The following TASOR2 variants were observed in gnomAD, a reference collection of about 807,000 sequenced individuals.
TASOR2 encodes the protein protein TASOR 2.
A neutral mutation model predicts 199.5 loss-of-function variants in TASOR2; 84 were observed. That is an observed-to-expected ratio of 0.42 (90% confidence interval 0.35 to 0.50). The LOEUF is 0.50. Among genes scored for constraint, TASOR2 ranks in the 20% least tolerant of loss-of-function variants. TASOR2 has a pLI of 0.02. For missense variants in TASOR2, 2,796 were observed against 2,835.9 expected (o/e 0.99, Z 0.32); for synonymous variants, 1,103 against 1,046.6 (o/e 1.05, Z -1.04).
In TASOR2 at chr10:5,750,900, T is replaced by C. The variant is rs928144193; in HGVS notation, c.6606+873T>C. 4.6e-5 allele frequency among the ~76,000 whole-genome samples: 7 copies of C among 152,200 alleles called. No homozygotes were observed. The highest frequency in any genetic ancestry group is 1.3e-4 in the Admixed American group (2 of 15,282). ...CTAGGATCATAGGTGTCTAGAATTG[T>C]CATGTCTTCAGTCTGCAATAGTTCC... On this transcript the variant is annotated intron_variant, in intron 15 of 20. Transcript: ENST00000328090. This position sits in a 1 kb window ranked among gnomAD's most constrained non-coding sequence, Gnocchi z 5.4.
chr10:5,749,666 C>A lies in TASOR2; in HGVS notation c.6245C>A (p.Ser2082Tyr), dbSNP rs377606948. ...AGTCATAATAGAGATCTTAGAAATT[C>A]TCAAAGAAATCACACTGTTTCATTC... The change falls in exon 15 of 21, where the codon TCT becomes TAT. Residue 2082 changes from serine (S) to tyrosine (Y), a missense_variant. Ser to Tyr is a moderately radical substitution (Grantham distance 144). Around this residue, in one of 3 missense-constraint regions of TASOR2, gnomAD observed 1,941 missense variants for 1,924.9 expected, o/e 1.01. Coordinates refer to ENST00000328090, the Ensembl canonical transcript of TASOR2. 2.5e-4 allele frequency: 398 copies of A among 1,614,036 alleles called. No homozygotes were observed. The highest frequency in any genetic ancestry group is 3.2e-4 in the Non-Finnish European group (374 of 1,180,004).
rs1428454929 is a variant in TASOR2 at position 5,701,863 on chromosome 10, G to A, written c.-287-10960G>A. On this transcript the variant is annotated intron_variant, in intron 1 of 20. Coordinates refer to ENST00000328090, the Ensembl canonical transcript of TASOR2. The surrounding 1 kb of genome is among the most constrained non-coding windows in gnomAD (Gnocchi z 4.9). ...ATCAGTTCTAACAATTTTTTTGGTG[G>A]AGTCCAGGTTTTTCTAAGTATAAGA... 6.6e-6 allele frequency among the ~76,000 whole-genome samples: 1 copy of A among 152,084 alleles called. No individual in the cohort carries two copies. Among genetic ancestry groups the A allele is most frequent in the Non-Finnish European group, 1.5e-5 (1 of 67,998 alleles).
chr10:5,714,467 T>C (rs1425562764), intron 2 of TASOR2: 1 of 291,598 alleles, frequency 3.4e-6, no homozygotes, highest in Non-Finnish European at 6.2e-6. Flanking sequence ...GAATAGAAAA[T>C]AGAGCTGACC....
In TASOR2 at chr10:5,748,595, G is replaced by T. The variant is rs1351587331; in HGVS notation, c.5174G>T (p.Gly1725Val). ...TCCAACACCACATCTTCTCTAAAAG[G>T]TGAACGCAAAGCCATCCACACGCTG... is the stretch of plus-strand genomic sequence containing the variant. Residue 1725 changes from glycine to valine, a missense_variant, in exon 15 of 21, where the codon GGT (glycine) becomes GTT (valine). Gly to Val is a moderately radical substitution (Grantham distance 109). Coordinates refer to ENST00000328090, the Ensembl canonical transcript of TASOR2. The surrounding 1 kb of genome is among the most constrained non-coding windows in gnomAD (Gnocchi z 5.1). 6.2e-7 allele frequency: 1 copy of T among 1,613,696 alleles called. No individual in the cohort carries two copies. Among genetic ancestry groups the T allele is most frequent in the African/African-American group, 1.3e-5 (1 of 74,920 alleles).
At chr10:5,724,606 G>A in intron 8 of TASOR2, 73 bp downstream of exon 9, 2 of 180,162 alleles carry the variant, frequency 1.1e-5, no homozygotes, top group South Asian at 1.9e-4. Context: ...TGCCTAGATG[G>A]CACATATATA....
chr10:5,689,578 C>T lies in TASOR2; in HGVS notation c.-288+4403C>T, dbSNP rs74386772. On this transcript the variant is annotated intron_variant, in intron 1 of 20. Transcript: ENST00000328090. This position sits in a 1 kb window ranked among gnomAD's most constrained non-coding sequence, Gnocchi z 4.1. Reference sequence around the variant, plus strand: ...TCACGCCACTGCACTCCAGCCTGGGCGACAGAGCAAGACTCCATCTCAAAA... The same window carrying T: ...TCACGCCACTGCACTCCAGCCTGGGTGACAGAGCAAGACTCCATCTCAAAA... Among the ~76,000 whole-genome samples the T allele has an allele frequency of 0.093, 14,054 of 151,894 alleles. 767 individuals carry two copies. Among genetic ancestry groups the T allele is most frequent in the South Asian group, 0.13 (614 of 4,808 alleles).
intron 1 of TASOR2, among the ~76,000 whole-genome samples, chr10:5,697,229 G>T (rs1837270992): frequency 2.6e-5 from 4 of 152,216 alleles, no homozygotes; most frequent in Admixed American, 2.6e-4. Context: ...AAAGAAGAAT[G>T]GGGGCAGAGA....
chr10:5,699,685 A>G lies in TASOR2; in HGVS notation c.-287-13138A>G, dbSNP rs1837566219. On this transcript the variant is annotated intron_variant, in intron 1 of 20. Transcript: ENST00000328090. The surrounding 1 kb of genome is among the most constrained non-coding windows in gnomAD (Gnocchi z 4.1). ...GATCAAGCCATTTCAGAAGTACACA[A>G]GGGAGACTAGACACCATGGCAAAGA... is the stretch of plus-strand genomic sequence containing the variant. 2 of 401,976 alleles carry G rather than the reference A, an allele frequency of 5.0e-6. No homozygotes were observed. 24.9% of individuals were successfully genotyped at this position (401,976 alleles called of 1,614,324 possible). A position where few individuals can be genotyped will look rare whatever the true frequency, so the allele number is the denominator to read the frequency against.
At chr10:5,735,032 A>G (rs1370608823) in intron 11 of TASOR2, among the ~76,000 whole-genome samples, 1 of 151,120 alleles carries the variant, frequency 6.6e-6, no homozygotes, top group African/African-American at 2.4e-5. Flanking sequence ...TTTTTTTTTC[A>G]GTTGTTACAA....
chr10:5,718,949 G>A (rs1048509019), intron 3 of TASOR2, among the ~76,000 whole-genome samples: 12 of 152,132 alleles, frequency 7.9e-5, no homozygotes, highest in Non-Finnish European at 1.5e-4. Context: ...GCCACTAGCT[G>A]GAGATTGCTG....
chr10:5,729,351 A>G (rs954055204), intron 10 of TASOR2, among the ~76,000 whole-genome samples: 2 of 152,048 alleles, frequency 1.3e-5, no homozygotes, highest in African/African-American at 4.8e-5. Context: ...GAGTTAAAAC[A>G]AAACAAAACA....
In TASOR2 at chr10:5,751,088, A is replaced by G. The variant is rs1324179442; in HGVS notation, c.6606+1061A>G. Among the ~76,000 whole-genome samples the G allele has an allele frequency of 1.3e-5, 2 of 152,338 alleles. No homozygotes were observed. Among genetic ancestry groups the G allele is most frequent in the African/African-American group, 2.4e-5 (1 of 41,574 alleles). ...ATGTAGTGCTCTTGTCAGTGCATTC[A>G]TTGTATCAGGAGGCACCCGATGTTG... On this transcript the variant is annotated intron_variant, in intron 15 of 20. Coordinates refer to ENST00000328090, the Ensembl canonical transcript of TASOR2. The surrounding 1 kb of genome is among the most constrained non-coding windows in gnomAD (Gnocchi z 5.3).
intron 1 of TASOR2, among the ~76,000 whole-genome samples, chr10:5,704,630 C>A (rs1386110792): frequency 6.6e-6 from 1 of 151,774 alleles, no homozygotes; most frequent in Non-Finnish European, 1.5e-5. Flanking sequence ...TTATTTCCTC[C>A]TCTTATTTGC....
At chr10:5,725,390 CAAAAAAAAAAAAAAAAA>C (rs59186946) in intron 8 of TASOR2, among the ~76,000 whole-genome samples, 49 of 78,948 alleles carry the variant, frequency 6.2e-4, no homozygotes, top group Admixed American at 8.4e-4. Flanking sequence ...GACTCCATCT[CAAAAAAAAAAAAAAAAA>C]AAAAAAAAAA....
At chr10:5,763,129 T>A in exon 21 of TASOR2, 3 of 1,158,520 alleles carry the variant, frequency 2.6e-6, no homozygotes, top group Non-Finnish European at 3.7e-6. Flanking sequence ...ATGTGAACAG[T>A]CTTACATTTG....
chr10:5,732,648 C>T (rs1450674868), intron 11 of TASOR2, among the ~76,000 whole-genome samples: 1 of 152,154 alleles, frequency 6.6e-6, no homozygotes, highest in African/African-American at 2.4e-5. Context: ...GTCTCAAACT[C>T]CTGGGCTCAA....
chr10:5,708,225 A>T (rs1035463346), intron 1 of TASOR2, among the ~76,000 whole-genome samples: 2 of 151,772 alleles, frequency 1.3e-5, no homozygotes, highest in African/African-American at 4.9e-5. Flanking sequence ...CAGTCATATT[A>T]AACTATTTGC....
chr10:5,725,655 C>T lies in TASOR2; in HGVS notation c.351+1122C>T, dbSNP rs78362158. Among the ~76,000 whole-genome samples, 37 of 152,094 alleles carry T rather than the reference C, an allele frequency of 2.4e-4. 1 individual carries two copies. The East Asian group carries it at 7.1e-3, about 29-fold the overall frequency. On this transcript the variant is annotated intron_variant, in intron 8 of 20. Coordinates refer to ENST00000328090, the Ensembl canonical transcript of TASOR2. The stretch of plus-strand genomic sequence containing the variant: ...AACTAGCCAGGCATAATGGCCTGCA[C>T]CTGTAGTCCTGGCTACTCCGAAGGC...
chr10:5,727,920 CAAAT>C (rs1490172643), intron 10 of TASOR2, among the ~76,000 whole-genome samples: 2 of 152,100 alleles, frequency 1.3e-5, no homozygotes, highest in Admixed American at 6.6e-5. Flanking sequence ...ATTTGCTAAA[CAAAT>C]AAATAAATGA....
Sources: gnomAD v4.1 joint callset for allele counts (sites outside exome capture counted in the v4.1 genomes callset) on GRCh38, gnomAD v4.1.1 for gene constraint, gnomAD v4.1.1 regional missense constraint, Gnocchi (gnomAD v3.1) non-coding constraint, MANE v1.5 for transcripts, NCBI Gene and HGNC (gene_info 2026-07-23, HGNC 2026-07-21) for gene names.